SLC16A3: variants seen among roughly 807,000 people sequenced by gnomAD.
SLC16A3 encodes solute carrier family 16 member 3.
A neutral mutation model predicts 25.0 loss-of-function variants in SLC16A3; 22 were observed. The ratio of observed to expected loss-of-function variants is 0.88; its 90% confidence interval spans 0.63 to 1.26. The LOEUF is 1.26. Among genes scored for constraint, SLC16A3 ranks in the 50% most tolerant of loss-of-function variants. The probability of loss-of-function intolerance (pLI) is 0.00; values close to 1 mark genes in which losing one functional copy is unlikely to be tolerated. For missense variants in SLC16A3, 731 were observed against 666.6 expected (o/e 1.10, Z -1.06); for synonymous variants, 390 against 309.2 (o/e 1.26, Z -2.74).
At chr17:82,226,995 C>G (rs2050426581), upstream of SLC16A3, among the ~76,000 whole-genome samples, 1 of 152,190 alleles carries the variant, frequency 6.6e-6, no homozygotes, top group Non-Finnish European at 1.5e-5. Flanking sequence ...CAGACTTGAC[C>G]TCTCTGCTGG....
upstream of SLC16A3, among the ~76,000 whole-genome samples, chr17:82,225,820 C>T (rs2050418251): frequency 6.6e-6 from 1 of 152,164 alleles, no homozygotes; most frequent in Admixed American, 6.5e-5. Flanking sequence ...GGAAGGTTCC[C>T]TGGGACCTGA....
rs911991471 is a variant in SLC16A3, at chr17:82,239,796, C to T, written c.*820C>T. On this transcript the variant is annotated 3_prime_UTR_variant, in exon 5 of 5. Coordinates refer to ENST00000582743, the MANE Select transcript of SLC16A3 (RefSeq NM_004207.4). ...GACCCTCCTGCCTTCCCTTTTTCGC[C>T]CCTCTGCCTGGCTGGCAGTGTGCGT... 5.8e-5 allele frequency: 23 copies of T among 399,920 alleles called. No homozygotes were observed. Among genetic ancestry groups the T allele is most frequent in the Admixed American group, 8.8e-5 (2 of 22,642 alleles). The allele number at this position is 399,920 out of a possible 1,614,324, so 24.8% of individuals were successfully genotyped here. A position where few individuals can be genotyped will look rare whatever the true frequency, so the allele number is the denominator to read the frequency against.
chr17:82,235,939 GA>G (rs1386426706), intron 1 of SLC16A3, 43 bp from the exon 2 acceptor site: 2 of 1,366,106 alleles, frequency 1.5e-6, no homozygotes, highest in African/African-American at 2.9e-5. Context: ...CTGCAGCTGG[GA>G]TGGTCACCCG....
chr17:82,238,848 G>A lies in SLC16A3; in HGVS notation c.1270G>A (p.Ala424Thr), dbSNP rs767445875. The change falls in exon 5 of 5, where the codon GCG (alanine) becomes ACG (threonine). Residue 424 changes from alanine (A) to threonine (T), a missense_variant. By Grantham distance (58) the Ala-to-Thr change is moderately conservative (BLOSUM62 0). Coordinates refer to ENST00000582743, the MANE Select transcript of SLC16A3 (RefSeq NM_004207.4). The stretch of plus-strand genomic sequence containing the variant: ...AGAGCCACAGCCTGAGGTGGCGGCC[G>A]CGGAGGAGGAGAAGCTCCACAAGCC... ...PKEPQPEVAA[A>T]EEEKLHKPPA... The A allele has an allele frequency of 1.6e-5, 25 of 1,612,382 alleles. No individual in the cohort carries two copies. Among genetic ancestry groups the A allele is most frequent in the Middle Eastern group, 3.3e-4 (2 of 6,072 alleles).
intron 1 of SLC16A3, among the ~76,000 whole-genome samples, chr17:82,232,927 G>GC (rs2050523581): frequency 6.6e-6 from 1 of 151,162 alleles, no homozygotes; most frequent in African/African-American, 2.4e-5. Context: ...GCGGGGGGGG[G>GC]GTTGGTAAAT....
rs1163862072 is a variant in SLC16A3 at position 82,240,003 on chromosome 17, A to G, written c.*1027A>G. The G allele has an allele frequency of 4.9e-6, 6 of 1,233,544 alleles. No individual in the cohort carries two copies. Among genetic ancestry groups the G allele is most frequent in the Non-Finnish European group, 6.1e-6 (6 of 987,816 alleles). 76.4% of individuals were successfully genotyped at this position (1,233,544 alleles called of 1,614,324 possible). On this transcript the variant is annotated 3_prime_UTR_variant, in exon 5 of 5. Coordinates refer to ENST00000582743, the MANE Select transcript of SLC16A3 (RefSeq NM_004207.4). The stretch of plus-strand genomic sequence containing the variant: ...AGTAGGTGCGTCGTGGGCGCTGGGG[A>G]CGGCAGCGGGTGCCCTGGCGGGCCG...
Position 82,239,712 on chromosome 17 carries a change from G to A in SLC16A3, c.*736G>A. The A allele has an allele frequency of 2.7e-6, 1 of 369,198 alleles. No individual in the cohort carries two copies. The highest frequency in any genetic ancestry group is 4.8e-6 in the Non-Finnish European group (1 of 207,676). 22.9% of individuals were successfully genotyped at this position (369,198 alleles called of 1,614,324 possible). Reference sequence around the variant, plus strand: ...TGTGCCAGGGAGCCCCTACGTGGTGGTTAGATGGGAGCTGAGGTGGAACAA... The same window carrying A: ...TGTGCCAGGGAGCCCCTACGTGGTGATTAGATGGGAGCTGAGGTGGAACAA... On this transcript the variant is annotated 3_prime_UTR_variant, in exon 5 of 5. Transcript: ENST00000582743.
exon 1 of SLC16A3, among the ~76,000 whole-genome samples, chr17:82,218,074 G>A (rs543835293): frequency 1.3e-5 from 2 of 152,310 alleles, no homozygotes; most frequent in East Asian, 3.9e-4. Flanking sequence ...CTGGGCACGA[G>A]GCCACAGCAG....
At chr17:82,227,685 C>CACCACCTGCCCTGGGTGGG (rs1568531681), upstream of SLC16A3, among the ~76,000 whole-genome samples, 2 of 10,622 alleles carry the variant, frequency 1.9e-4, 1 homozygote, top group African/African-American at 2.2e-3. Flanking sequence ...TGGGCGGGAG[C>CACCACCTGCCCTGGGTGGG]AGCACGGGCC....
Position 82,238,847 on chromosome 17 carries a change from C to G in SLC16A3, c.1269C>G (p.Ala423=). The stretch of plus-strand genomic sequence containing the variant: ...AAGAGCCACAGCCTGAGGTGGCGGC[C>G]GCGGAGGAGGAGAAGCTCCACAAGC... The part of the protein sequence containing the change: ...KPKEPQPEVA[A]AEEEKLHKPP... Residue 423 remains alanine (A), a synonymous_variant, in exon 5 of 5, where the codon GCC becomes GCG. Transcript: ENST00000582743. The G allele has an allele frequency of 1.2e-6, 2 of 1,612,412 alleles. No homozygotes were observed. The highest frequency in any genetic ancestry group is 1.1e-5 in the South Asian group (1 of 90,958).
At chr17:82,236,257 CCT>C (rs779202693) in intron 2 of SLC16A3, 26 bp downstream of exon 2, 139 of 1,600,232 alleles carry the variant, frequency 8.7e-5, no homozygotes, top group Middle Eastern at 5.0e-4. Flanking sequence ...CACCGGGCCC[CCT>C]GTCCGGGGCT....
At chr17:82,220,126 G>A (rs978809649) in intron 1 of SLC16A3, among the ~76,000 whole-genome samples, 3 of 152,196 alleles carry the variant, frequency 2.0e-5, no homozygotes, top group Admixed American at 1.3e-4. Flanking sequence ...CTGCCACCCC[G>A]ATCCTGGGAC....
At chr17:82,219,741 G>T (rs1006520656) in intron 1 of SLC16A3, among the ~76,000 whole-genome samples, 2 of 152,124 alleles carry the variant, frequency 1.3e-5, no homozygotes, top group African/African-American at 2.4e-5. Flanking sequence ...ACTGAAAGGC[G>T]GGGGGTCTGC....
rs949547268 is a variant in SLC16A3, at chr17:82,239,630, T to C, written c.*654T>C. The C allele has an allele frequency of 1.5e-5, 4 of 260,020 alleles. No homozygotes were observed. Among genetic ancestry groups the C allele is most frequent in the Non-Finnish European group, 2.9e-5 (4 of 138,110 alleles). The allele number at this position is 260,020 out of a possible 1,614,324, so 16.1% of individuals were successfully genotyped here. The stretch of plus-strand genomic sequence containing the variant: ...ATTCGTAGCAGGGGCAGGCGCTGCA[T>C]GGAGGGGGCTGCGGGGCAGGTGCCT... On this transcript the variant is annotated 3_prime_UTR_variant, in exon 5 of 5. Transcript: ENST00000582743.
In SLC16A3 at chr17:82,238,765, T is replaced by G. The variant is rs774824199; in HGVS notation, c.1187T>G (p.Leu396Arg). 53 of 1,612,566 alleles carry G rather than the reference T, an allele frequency of 3.3e-5. No homozygotes were observed. Among genetic ancestry groups the G allele is most frequent in the Non-Finnish European group, 4.2e-5 (50 of 1,179,936 alleles). ...YVFILAGAEVLTSSLILLLGN... is the reference protein window; with the variant it reads ...YVFILAGAEVRTSSLILLLGN... ...TTCATCCTGGCGGGGGCCGAGGTGCTCACCTCCTCCCTGATTTTGCTGCTG... is the reference window on the plus strand; with the variant it reads ...TTCATCCTGGCGGGGGCCGAGGTGCGCACCTCCTCCCTGATTTTGCTGCTG... The change falls in exon 5 of 5, where the codon CTC (leucine) becomes CGC (arginine). Residue 396 changes from leucine (L) to arginine (R), a missense_variant. Leu to Arg is a moderately radical substitution (Grantham distance 102, BLOSUM62 -2). Transcript: ENST00000582743.
intron 1 of SLC16A3, among the ~76,000 whole-genome samples, chr17:82,220,130 C>G (rs925620381): frequency 2.6e-5 from 4 of 152,222 alleles, no homozygotes; most frequent in African/African-American, 9.6e-5. Context: ...CACCCCGATC[C>G]TGGGACAGAG....
chr17:82,235,479 A>ATCCTGCTGGGCAGCAACATGCTCTCCACG, intron 1 of SLC16A3: 1 of 163,818 alleles, frequency 6.1e-6, no homozygotes, highest in Admixed American at 5.7e-5. Flanking sequence ...TGGGGGCAGG[A>ATCCTGCTGGGCAGCAACATGCTCTCCACG]GAGCCAGAGC....
At chr17:82,221,335 G>A (rs1383072673) in intron 1 of SLC16A3, among the ~76,000 whole-genome samples, 5 of 152,056 alleles carry the variant, frequency 3.3e-5, no homozygotes, top group Non-Finnish European at 7.4e-5. Context: ...TGAGGCAGGC[G>A]AGTCACTTCA....
chr17:82,227,609 TGGGCG>T (rs1380935111), upstream of SLC16A3, among the ~76,000 whole-genome samples: 3 of 57,890 alleles, frequency 5.2e-5, 1 homozygote, highest in East Asian at 2.0e-3. Context: ...CCACCTGCCC[TGGGCG>T]GGAGCACCAC....
Sources: gnomAD v4.1 joint callset for allele counts (sites outside exome capture counted in the v4.1 genomes callset) on GRCh38, gnomAD v4.1.1 for gene constraint, MANE v1.5 for transcripts, NCBI Gene and HGNC (gene_info 2026-07-23, HGNC 2026-07-21) for gene names.